Variants in RORA observed in about 807,000 individuals in gnomAD.
RORA encodes the protein RAR related orphan receptor A.
RORA carries 7 observed loss-of-function variants against 69.5 expected under a neutral mutation model. The observed-to-expected ratio is 0.10, with a 90% CI of 0.06 to 0.19. The LOEUF (loss-of-function observed/expected upper bound fraction) is 0.19, where lower values mean the gene tolerates loss of function less well. Among genes scored for constraint, RORA ranks in the 10% least tolerant of loss-of-function variants. The pLI is 1.00. For missense variants in RORA, 457 were observed against 663.0 expected (o/e 0.69, Z 3.41); for synonymous variants, 261 against 240.8 (o/e 1.08, Z -0.78).
intron 1 of RORA, among the ~76,000 whole-genome samples, chr15:60,880,412 G>A (rs369368970): frequency 3.3e-5 from 5 of 152,144 alleles, no homozygotes; most frequent in Non-Finnish European, 4.4e-5. Flanking sequence ...AGGCCGAGGC[G>A]GGCAGATCAC....
At chr15:60,909,813 G>C (rs11638433) in intron 1 of RORA, among the ~76,000 whole-genome samples, 42,162 of 152,170 alleles carry the variant, frequency 0.28, 6,221 homozygotes, top group Non-Finnish European at 0.31. Context: ...GAAAGGCCAA[G>C]ATTGAGAACG....
chr15:60,513,693 A>C (rs1422966803), intron 4 of RORA, among the ~76,000 whole-genome samples: 2 of 130,776 alleles, frequency 1.5e-5, no homozygotes, highest in African/African-American at 5.3e-5. Flanking sequence ...GTAGTGGTGC[A>C]CAGAGTGCCT....
chr15:60,493,496 T>C lies in RORA; in HGVS notation c.*3959A>G, dbSNP rs1194480547. The C allele has an allele frequency of 6.6e-6, 1 of 152,178 alleles. No homozygotes were observed. The highest frequency in any genetic ancestry group is 2.4e-5 in the African/African-American group (1 of 41,436). The allele number at this position is 152,178 out of a possible 1,614,324, so 9.4% of individuals were successfully genotyped here. A position where few individuals can be genotyped will look rare whatever the true frequency, so the allele number is the denominator to read the frequency against. ...TCATGAAAGATACTACTAGGTTGTT[T>C]TGCATTTTGGAATGTCGGAACACAA... On this transcript the variant is annotated 3_prime_UTR_variant, in exon 11 of 11. Transcript: ENST00000335670.
chr15:61,130,180 T>C (rs977608545), intron 1 of RORA, among the ~76,000 whole-genome samples: 1 of 152,224 alleles, frequency 6.6e-6, no homozygotes, highest in African/African-American at 2.4e-5. Context: ...AATATATTAG[T>C]TATAATATTA....
rs544569150 is a variant in RORA at position 60,575,687 on chromosome 15, T to C, written c.197-43836A>G. On this transcript the variant is annotated intron_variant, in intron 2 of 10. Coordinates refer to ENST00000335670, the MANE Select transcript of RORA (RefSeq NM_134261.3). ...CAGATCAAGAAAAAAAAATGTCCCT[T>C]TGGTTTTTTAAAATAGTTTTCCATG... Among the ~76,000 whole-genome samples, 85 of 152,340 alleles carry C rather than the reference T, an allele frequency of 5.6e-4. No individual in the cohort carries two copies. In the South Asian group the frequency reaches 0.017, roughly 31 times the overall value.
rs562358828 is a variant in RORA at position 60,757,677 on chromosome 15, T to C, written c.167-78991A>G. On this transcript the variant is annotated intron_variant, in intron 1 of 10. Coordinates refer to ENST00000335670, the MANE Select transcript of RORA (RefSeq NM_134261.3). ...CACATCCCTGGATGTGACTCCAGGGTGTAAAATAGTGCCTGGCACATAGAA... is the reference window on the plus strand; with the variant it reads ...CACATCCCTGGATGTGACTCCAGGGCGTAAAATAGTGCCTGGCACATAGAA... 3.9e-5 allele frequency among the ~76,000 whole-genome samples: 6 copies of C among 152,204 alleles called. No individual in the cohort carries two copies. The South Asian group carries it at 1.0e-3, about 26-fold the overall frequency.
chr15:61,061,809 C>T lies in RORA; in HGVS notation c.166+167244G>A, dbSNP rs939949843. Among the ~76,000 whole-genome samples, 12 of 151,950 alleles carry T rather than the reference C, an allele frequency of 7.9e-5. No individual in the cohort carries two copies. Among genetic ancestry groups the T allele is most frequent in the African/African-American group, 2.7e-4 (11 of 41,348 alleles). On this transcript the variant is annotated intron_variant, in intron 1 of 10. Coordinates refer to ENST00000335670, the MANE Select transcript of RORA (RefSeq NM_134261.3). This position sits in a 1 kb window ranked among gnomAD's most constrained non-coding sequence, Gnocchi z 4.4. ...CGGGCACGGTGGTTCACGCCTGTAA[C>T]CCCAGCACTTTGGGAGGCCAAGGCA...
intron 1 of RORA, among the ~76,000 whole-genome samples, chr15:60,988,998 T>A (rs944805421): frequency 2.6e-5 from 4 of 152,230 alleles, no homozygotes; most frequent in Admixed American, 1.3e-4. Context: ...GTCCACCATG[T>A]ATACATCATC....
chr15:61,062,317 T>C (rs1211773790), intron 1 of RORA, among the ~76,000 whole-genome samples: 1 of 152,220 alleles, frequency 6.6e-6, no homozygotes, highest in Non-Finnish European at 1.5e-5. Flanking sequence ...ATGCAGGTCC[T>C]GTCTTGCTCC....
At chr15:60,812,086 C>T (rs2072752478) in intron 1 of RORA, among the ~76,000 whole-genome samples, 1 of 152,142 alleles carries the variant, frequency 6.6e-6, no homozygotes, top group Non-Finnish European at 1.5e-5. Context: ...ATCACACTAC[C>T]TAGATTTGAA....
intron 1 of RORA, among the ~76,000 whole-genome samples, chr15:60,700,209 A>T (rs1449435770): frequency 6.6e-6 from 1 of 152,216 alleles, no homozygotes; most frequent in Non-Finnish European, 1.5e-5. Flanking sequence ...ACTCTATTCA[A>T]AAGTGTCTAA....
chr15:60,888,889 A>G (rs933313821), intron 1 of RORA, among the ~76,000 whole-genome samples: 1 of 121,942 alleles, frequency 8.2e-6, no homozygotes, highest in Non-Finnish European at 1.6e-5. Context: ...GGGCAGAGGG[A>G]GCCTCACACA....
chr15:60,879,655 CACTTT>C (rs772330542), intron 1 of RORA, among the ~76,000 whole-genome samples: 12 of 152,132 alleles, frequency 7.9e-5, no homozygotes, highest in Non-Finnish European at 1.5e-4. Flanking sequence ...TTTGAGGACT[CACTTT>C]AAGAGGACAC....
At chr15:60,841,250 G>C (rs2073193663) in intron 1 of RORA, among the ~76,000 whole-genome samples, 1 of 152,192 alleles carries the variant, frequency 6.6e-6, no homozygotes, top group Non-Finnish European at 1.5e-5. Context: ...GGCACTACAA[G>C]GTGCCCTCCC....
rs1293639148 is a variant in RORA, at chr15:61,223,250, G to A, written c.166+5803C>T. 2.9e-5 allele frequency among the ~76,000 whole-genome samples: 4 copies of A among 139,168 alleles called. No homozygotes were observed. The Admixed American group carries it at 3.2e-4, about 11-fold the overall frequency. The allele number at this position is 139,168 out of a possible 152,430, so 91.3% of individuals were successfully genotyped here. ...AATTGCTTGAACCCGGGAGGCAGAG[G>A]TTGTACTGAGCTGAGATCGTGCCAC... On this transcript the variant is annotated intron_variant, in intron 1 of 10. Transcript: ENST00000335670.
At chr15:60,980,320 G>C (rs1233848229) in intron 1 of RORA, among the ~76,000 whole-genome samples, 1 of 152,114 alleles carries the variant, frequency 6.6e-6, no homozygotes, top group East Asian at 1.9e-4. Flanking sequence ...ATATTCATAA[G>C]AGATATTAGC....
At chr15:60,892,847 C>G (rs1281116318) in intron 1 of RORA, among the ~76,000 whole-genome samples, 1 of 152,220 alleles carries the variant, frequency 6.6e-6, no homozygotes, top group Non-Finnish European at 1.5e-5. Flanking sequence ...TGCTCCCAGC[C>G]TGACAAGAAG....
chr15:60,627,426 C>G, intron 2 of RORA: 1 of 1,610,838 alleles, frequency 6.2e-7, no homozygotes, highest in Non-Finnish European at 8.5e-7. Flanking sequence ...GTGCTTTGCC[C>G]CAGTGTACTA....
At chr15:60,669,628 A>G (rs1005651370) in intron 2 of RORA, among the ~76,000 whole-genome samples, 1 of 151,270 alleles carries the variant, frequency 6.6e-6, no homozygotes, top group African/African-American at 2.4e-5. Flanking sequence ...CCTTGTTAAT[A>G]CTCTACTCCA....
Sources: allele counts gnomAD v4.1 joint callset (sites outside exome capture counted in the v4.1 genomes callset), GRCh38; gene constraint gnomAD v4.1.1; non-coding constraint Gnocchi (gnomAD v3.1); transcripts MANE v1.5; gene names NCBI Gene and HGNC (gene_info 2026-07-23, HGNC 2026-07-21).